MACROD2: variants seen among roughly 807,000 people sequenced by gnomAD.
MACROD2 encodes ADP-ribose glycohydrolase MACROD2.
A neutral mutation model predicts 70.4 loss-of-function variants in MACROD2; 36 were observed. The observed-to-expected ratio is 0.51, with a 90% confidence interval of 0.39 to 0.68. The LOEUF is 0.68. MACROD2 is among the 30% of genes least tolerant of loss of function. MACROD2 has a pLI of 0.00. For missense variants in MACROD2, 496 were observed against 538.4 expected (o/e 0.92, Z 0.78); for synonymous variants, 172 against 178.8 (o/e 0.96, Z 0.30).
intron 8 of MACROD2, among the ~76,000 whole-genome samples, chr20:15,750,879 C>T (rs2051258765): frequency 6.7e-6 from 1 of 150,242 alleles, no homozygotes; most frequent in African/African-American, 2.4e-5. Flanking sequence ...CTAAAAAAAA[C>T]AAAAAACGAC....
At chr20:14,448,663 C>T (rs1325129569) in intron 3 of MACROD2, among the ~76,000 whole-genome samples, 1 of 150,898 alleles carries the variant, frequency 6.6e-6, no homozygotes, top group Non-Finnish European at 1.5e-5. Flanking sequence ...TCGACACTCC[C>T]TCTCAGAAAA....
intron 6 of MACROD2, among the ~76,000 whole-genome samples, chr20:15,330,185 T>C (rs972283339): frequency 3.3e-5 from 5 of 152,124 alleles, no homozygotes; most frequent in Non-Finnish European, 7.4e-5. Flanking sequence ...TTATATTAAA[T>C]AAATCTGCAT....
chr20:14,289,897 A>ATTAATT (rs2082372138), intron 3 of MACROD2, among the ~76,000 whole-genome samples: 1 of 152,196 alleles, frequency 6.6e-6, no homozygotes, highest in Non-Finnish European at 1.5e-5. Flanking sequence ...TTTTTGACCT[A>ATTAATT]AACAAATAAT....
At chr20:14,180,984 A>T (rs965872348) in intron 3 of MACROD2, among the ~76,000 whole-genome samples, 1 of 152,064 alleles carries the variant, frequency 6.6e-6, no homozygotes, top group East Asian at 1.9e-4. Flanking sequence ...GAAAATTTAT[A>T]CAGAAAGATT....
At chr20:14,029,330 A>ATAT (rs1174216430) in intron 2 of MACROD2, among the ~76,000 whole-genome samples, 1 of 152,180 alleles carries the variant, frequency 6.6e-6, no homozygotes, top group Non-Finnish European at 1.5e-5. Flanking sequence ...GAACATATAT[A>ATAT]GTATGTTGAA....
chr20:15,079,439 G>A (rs143020799), intron 5 of MACROD2, among the ~76,000 whole-genome samples: 1 of 151,886 alleles, frequency 6.6e-6, no homozygotes, highest in South Asian at 2.1e-4. Context: ...TGCAATAATT[G>A]CACCAGCTCC....
intron 3 of MACROD2, among the ~76,000 whole-genome samples, chr20:14,249,639 A>G (rs1449617680): frequency 2.6e-5 from 4 of 152,166 alleles, no homozygotes; most frequent in South Asian, 2.1e-4. Flanking sequence ...ATCTGCCATC[A>G]AGATCCTGAC....
At chr20:15,943,797 A>AT (rs548678124) in intron 12 of MACROD2, among the ~76,000 whole-genome samples, 1 of 152,114 alleles carries the variant, frequency 6.6e-6, no homozygotes, top group Non-Finnish European at 1.5e-5. Context: ...TATTTATCAT[A>AT]TTTTTAATAT....
chr20:15,344,214 G>A (rs1004421514), intron 6 of MACROD2, among the ~76,000 whole-genome samples: 2 of 152,086 alleles, frequency 1.3e-5, no homozygotes, highest in Non-Finnish European at 2.9e-5. Flanking sequence ...CAAGGAACAG[G>A]CTCTTCCTCC....
intron 3 of MACROD2, among the ~76,000 whole-genome samples, chr20:14,343,598 A>G (rs1329513246): frequency 3.9e-5 from 6 of 152,206 alleles, no homozygotes; most frequent in East Asian, 3.8e-4. Flanking sequence ...TGCTTTAACA[A>G]TTTATCTTTG....
intron 15 of MACROD2, among the ~76,000 whole-genome samples, chr20:16,036,873 A>G (rs775135): frequency 0.74 from 112,460 of 151,932 alleles, 43,375 homozygotes; most frequent in Non-Finnish European, 0.84. Flanking sequence ...TTCACAGTGC[A>G]TGTCCACACA....
In MACROD2 at chr20:15,031,204, C is replaced by T. The variant is rs546578501; in HGVS notation, c.419-198736C>T. On this transcript the variant is annotated intron_variant, in intron 5 of 17. Transcript: ENST00000684519. ...GACGTCAGGGAACGTGGTGGCACCC[C>T]GAAGCTTGGAGACGTCAGGAACCTC... Among the ~76,000 whole-genome samples, 6 of 152,224 alleles carry T rather than the reference C, an allele frequency of 3.9e-5. No individual in the cohort carries two copies. In the South Asian group the frequency reaches 8.3e-4, roughly 21 times the overall value.
At chr20:14,208,168 G>A (rs1436767782) in intron 3 of MACROD2, among the ~76,000 whole-genome samples, 1 of 152,166 alleles carries the variant, frequency 6.6e-6, no homozygotes, top group African/African-American at 2.4e-5. Flanking sequence ...TTTGGGGTCA[G>A]CTTCCTTTGG....
intron 4 of MACROD2, among the ~76,000 whole-genome samples, chr20:14,646,996 C>T (rs1009681537): frequency 2.0e-5 from 3 of 151,956 alleles, no homozygotes; most frequent in Non-Finnish European, 2.9e-5. Context: ...TATTTGCTGC[C>T]GACCTTCTTG....
intron 4 of MACROD2, among the ~76,000 whole-genome samples, chr20:14,519,038 A>G (rs33967173): frequency 0.16 from 24,400 of 152,150 alleles, 2,225 homozygotes; most frequent in Non-Finnish European, 0.2. Flanking sequence ...CTTTAAATAT[A>G]TGAAAACAAT....
intron 7 of MACROD2, among the ~76,000 whole-genome samples, chr20:15,496,365 T>C (rs139899394): frequency 2.2e-4 from 33 of 152,316 alleles, no homozygotes; most frequent in African/African-American, 7.9e-4. Context: ...GGTGGGTCAC[T>C]CTTGTGGATG....
chr20:15,562,303 G>T (rs75706702), intron 8 of MACROD2, among the ~76,000 whole-genome samples: 5 of 152,058 alleles, frequency 3.3e-5, no homozygotes, highest in Non-Finnish European at 7.4e-5. Flanking sequence ...GTGATGTGGG[G>T]CCTTCATATA....
chr20:15,653,137 A>G (rs1465268402), intron 8 of MACROD2, among the ~76,000 whole-genome samples: 1 of 152,204 alleles, frequency 6.6e-6, no homozygotes, highest in Non-Finnish European at 1.5e-5. Flanking sequence ...TTGGACTTCT[A>G]TCTCTTACAC....
chr20:15,388,997 T>C (rs1350272601), intron 6 of MACROD2, among the ~76,000 whole-genome samples: 3 of 144,214 alleles, frequency 2.1e-5, no homozygotes, highest in African/African-American at 8.8e-5. Context: ...TCAAAGAATT[T>C]AGGAGTCAGG....
Sources: gnomAD v4.1 joint callset for allele counts (sites outside exome capture counted in the v4.1 genomes callset) on GRCh38, gnomAD v4.1.1 for gene constraint, MANE v1.5 for transcripts, NCBI Gene and HGNC (gene_info 2026-07-23, HGNC 2026-07-21) for gene names.